The following PPP1R13B variants were observed in gnomAD, a reference collection of about 807,000 sequenced individuals.
PPP1R13B encodes protein phosphatase 1 regulatory subunit 13B.
A neutral mutation model predicts 119.8 loss-of-function variants in PPP1R13B; 44 were observed. That is an observed-to-expected ratio of 0.37 (90% CI 0.29 to 0.47). PPP1R13B has a LOEUF of 0.47. PPP1R13B is among the 20% of genes least tolerant of loss of function. The probability of loss-of-function intolerance (pLI) is 0.99; values close to 1 mark genes in which losing one functional copy is unlikely to be tolerated. For synonymous variants in PPP1R13B, 542 were observed against 561.5 expected (o/e 0.97, Z 0.49); for missense variants, 1,227 against 1,413.5 (o/e 0.87, Z 2.12).
chr14:103,753,861 T>G (rs1266646259), intron 6 of PPP1R13B, among the ~76,000 whole-genome samples: 1 of 152,144 alleles, frequency 6.6e-6, no homozygotes, highest in Non-Finnish European at 1.5e-5. Flanking sequence ...TCCTCCCACC[T>G]CAGCCTCTCA....
At chr14:103,808,581 A>C (rs1402375017) in intron 1 of PPP1R13B, among the ~76,000 whole-genome samples, 2 of 152,158 alleles carry the variant, frequency 1.3e-5, no homozygotes, top group Non-Finnish European at 2.9e-5. Context: ...GCTTGAGCTA[A>C]AGCTTCTTTC....
chr14:103,822,137 A>G (rs1002284381), intron 1 of PPP1R13B, among the ~76,000 whole-genome samples: 1 of 151,016 alleles, frequency 6.6e-6, no homozygotes, highest in East Asian at 2.0e-4. Flanking sequence ...TCAAAAAGCC[A>G]CTTTTTTTTT....
chr14:103,790,079 C>T (rs2152032344), intron 2 of PPP1R13B, among the ~76,000 whole-genome samples: 1 of 151,508 alleles, frequency 6.6e-6, no homozygotes, highest in African/African-American at 2.4e-5. Context: ...AACCCTGTCT[C>T]TACTAAAAAT....
intron 1 of PPP1R13B, chr14:103,804,122 T>C: frequency 2.3e-6 from 2 of 880,076 alleles, no homozygotes; most frequent in Non-Finnish European, 1.4e-6. Flanking sequence ...TTGGAAAATA[T>C]CATACTAGAC....
At chr14:103,832,841 G>T (rs902731905) in intron 1 of PPP1R13B, among the ~76,000 whole-genome samples, 1 of 152,150 alleles carries the variant, frequency 6.6e-6, no homozygotes, top group Non-Finnish European at 1.5e-5. Flanking sequence ...AATTAGCTGG[G>T]TGTGGTGATG....
intron 1 of PPP1R13B, among the ~76,000 whole-genome samples, chr14:103,830,093 TTTTA>T (rs58627136): frequency 0.13 from 19,394 of 150,064 alleles, 1,889 homozygotes; most frequent in African/African-American, 0.27. Flanking sequence ...TTTATTTTTA[TTTTA>T]TTTATTTATT....
At position 103,793,212 on chromosome 14, in the gene PPP1R13B, AAAAGG is replaced by A. The variant is rs1375663305; in HGVS notation, c.157+4154_157+4158del. ...GGGAAGAGAAGTGAGGAAAGGAAAG[AAAAGG>A]AAAGAAAAGGAAAAAACACTACTGA... is the stretch of plus-strand genomic sequence containing the variant. On this transcript the variant is annotated intron_variant, in intron 2 of 16. Coordinates refer to ENST00000202556, the MANE Select transcript of PPP1R13B (RefSeq NM_015316.3). Among the ~76,000 whole-genome samples, 5 of 142,886 alleles carry A rather than the reference AAAAGG, an allele frequency of 3.5e-5. No homozygotes were observed. In the East Asian group the frequency reaches 8.1e-4, roughly 23 times the overall value. 93.7% of individuals were successfully genotyped at this position (142,886 alleles called of 152,430 possible).
intron 1 of PPP1R13B, among the ~76,000 whole-genome samples, chr14:103,827,207 G>A (rs570590588): frequency 1.2e-4 from 18 of 151,742 alleles, no homozygotes; most frequent in African/African-American, 3.4e-4. Flanking sequence ...GTGGTGGCAC[G>A]CACCTGTAGT....
intron 1 of PPP1R13B, among the ~76,000 whole-genome samples, chr14:103,814,824 A>G (rs540713869): frequency 6.6e-6 from 1 of 152,224 alleles, no homozygotes; most frequent in African/African-American, 2.4e-5. Context: ...GGGCGCCTGT[A>G]GTCCCAGCTA....
intron 1 of PPP1R13B, among the ~76,000 whole-genome samples, chr14:103,807,640 G>A: frequency 6.6e-6 from 1 of 151,996 alleles, no homozygotes; most frequent in East Asian, 1.9e-4. Context: ...GACAAAAAGT[G>A]CCTGCCACCA....
At chr14:103,790,012 G>A (rs543638117) in intron 2 of PPP1R13B, among the ~76,000 whole-genome samples, 14 of 151,352 alleles carry the variant, frequency 9.2e-5, no homozygotes, top group African/African-American at 3.4e-4. Context: ...TTGGGAGGCC[G>A]AGGCAGGCAT....
chr14:103,792,441 C>T (rs1381139575), intron 2 of PPP1R13B, among the ~76,000 whole-genome samples: 6 of 152,056 alleles, frequency 3.9e-5, no homozygotes, highest in Non-Finnish European at 7.4e-5. Context: ...GCCTCAAGTG[C>T]TGGGATTACA....
At chr14:103,777,759 TAA>T (rs1425706885) in intron 4 of PPP1R13B, among the ~76,000 whole-genome samples, 4 of 144,614 alleles carry the variant, frequency 2.8e-5, no homozygotes, top group Admixed American at 2.8e-4. Context: ...TATTTAAAAA[TAA>T]GTTATCACCC....
intron 4 of PPP1R13B, among the ~76,000 whole-genome samples, chr14:103,768,743 G>A (rs991177924): frequency 4.6e-5 from 7 of 151,936 alleles, no homozygotes; most frequent in Admixed American, 3.3e-4. Flanking sequence ...CCTAATTTTT[G>A]TATTTTTAGG....
intron 1 of PPP1R13B, among the ~76,000 whole-genome samples, chr14:103,803,648 T>G (rs916158480): frequency 6.6e-6 from 1 of 150,472 alleles, no homozygotes; most frequent in Non-Finnish European, 1.5e-5. Context: ...GTCTCAAAAA[T>G]AAATAAATAA....
At chr14:103,764,718 G>T (rs2084897089) in intron 4 of PPP1R13B, among the ~76,000 whole-genome samples, 1 of 151,424 alleles carries the variant, frequency 6.6e-6, no homozygotes, top group Non-Finnish European at 1.5e-5. Context: ...AGTTCTGTTT[G>T]GTTCCTTTTT....
At position 103,740,174 on chromosome 14, in the gene PPP1R13B, A is replaced by G. The variant is rs763330974; in HGVS notation, c.2242T>C (p.Ser748Pro). 1 of 1,613,450 alleles carries G rather than the reference A, an allele frequency of 6.2e-7. No individual in the cohort carries two copies. The highest frequency in any genetic ancestry group is 1.3e-5 in the African/African-American group (1 of 74,838). ...EGTPFYQPSP[S>P]QDFMGTLADV... ...GCCAAGGTGCCCATGAAGTCCTGGG[A>G]GGGGCTGGGCTGGTAGAAAGGGGTG... The change falls in exon 12 of 17, where the codon TCC becomes CCC. Residue 748 changes from serine to proline, a missense_variant. Transcript: ENST00000202556. This position sits in a 1 kb window ranked among gnomAD's most constrained non-coding sequence, Gnocchi z 4.6.
intron 4 of PPP1R13B, among the ~76,000 whole-genome samples, chr14:103,776,122 G>A (rs1370244217): frequency 2.8e-5 from 4 of 144,792 alleles, no homozygotes; most frequent in African/African-American, 5.2e-5. Flanking sequence ...ATGAAAGTCT[G>A]GTACAGCTGC....
In PPP1R13B at chr14:103,792,169, CGTGTGTGTGTGT is replaced by C. The variant is rs58782839; in HGVS notation, c.157+5190_157+5201del. The stretch of plus-strand genomic sequence containing the variant: ...AAATTTATTGTTTCCCTCTATTCAT[CGTGTGTGTGTGT>C]GTGTGTGTGTGTGTGTGTGTATATT... On this transcript the variant is annotated intron_variant, in intron 2 of 16. Transcript: ENST00000202556. Among the ~76,000 whole-genome samples the C allele has an allele frequency of 3.4e-4, 46 of 137,258 alleles. 1 individual carries two copies. Among genetic ancestry groups the C allele is most frequent in the Admixed American group, 1.0e-3 (14 of 13,524 alleles). The allele number at this position is 137,258 out of a possible 152,430, so 90.0% of individuals were successfully genotyped here. A position where few individuals can be genotyped will look rare whatever the true frequency, so the allele number is the denominator to read the frequency against.
Sources: gnomAD v4.1 joint callset for allele counts (sites outside exome capture counted in the v4.1 genomes callset) on GRCh38, gnomAD v4.1.1 for gene constraint, Gnocchi (gnomAD v3.1) non-coding constraint, MANE v1.5 for transcripts, NCBI Gene and HGNC (gene_info 2026-07-23, HGNC 2026-07-21) for gene names.